Variants in CMTM7 observed in about 807,000 individuals in gnomAD.
CMTM7 encodes CKLF-like MARVEL transmembrane domain-containing protein 7.
CMTM7 carries 7 observed loss-of-function variants against 19.3 expected under a neutral mutation model. That is an observed-to-expected ratio of 0.36 (90% CI 0.21 to 0.68). The LOEUF is 0.68. Among genes scored for constraint, CMTM7 ranks in the 30% least tolerant of loss-of-function variants. The pLI, the probability that CMTM7 is intolerant of heterozygous loss-of-function variation, is 0.60. For missense variants in CMTM7, 193 were observed against 232.6 expected (o/e 0.83, Z 1.11); for synonymous variants, 87 against 99.3 (o/e 0.88, Z 0.74).
intron 1 of CMTM7, among the ~76,000 whole-genome samples, chr3:32,413,631 T>C (rs1349613481): frequency 1.3e-5 from 2 of 152,210 alleles, no homozygotes; most frequent in Non-Finnish European, 2.9e-5. Context: ...AACAAATAAC[T>C]CTCAAATGTT....
At position 32,404,142 on chromosome 3, in the gene CMTM7, C is replaced by CTTTTTTTTCTTTTTTTTTTT. The variant is rs1559401304; in HGVS notation, c.159+12085_159+12086insCTTTTTTTTTTTTTTTTTTT. Among the ~76,000 whole-genome samples the CTTTTTTTTCTTTTTTTTTTT allele has an allele frequency of 3.3e-4, 36 of 109,232 alleles. 1 individual carries two copies. The highest frequency in any genetic ancestry group is 5.0e-4 in the Non-Finnish European group (27 of 54,066). 71.7% of individuals were successfully genotyped at this position (109,232 alleles called of 152,430 possible). On this transcript the variant is annotated intron_variant, in intron 1 of 4. Transcript: ENST00000334983. ...CCTTTGTTTAATCTTTTCTTTCTTT[C>CTTTTTTTTCTTTTTTTTTTT]TTTTTTTTTCTTTTTTTTTCTTTTT...
At chr3:32,437,767 T>G (rs1696619791) in intron 1 of CMTM7, among the ~76,000 whole-genome samples, 1 of 152,064 alleles carries the variant, frequency 6.6e-6, no homozygotes, top group Admixed American at 6.5e-5. Flanking sequence ...GGCGCATACA[T>G]GTAATCCCAG....
chr3:32,428,849 C>A (rs937326048), intron 1 of CMTM7, among the ~76,000 whole-genome samples: 2 of 152,166 alleles, frequency 1.3e-5, no homozygotes, highest in Non-Finnish European at 2.9e-5. Flanking sequence ...ACCTGAGAGT[C>A]GTGGAAAGCC....
intron 1 of CMTM7, among the ~76,000 whole-genome samples, chr3:32,399,211 TA>T (rs764401699): frequency 2.0e-5 from 3 of 151,266 alleles, no homozygotes; most frequent in Non-Finnish European, 2.9e-5. Flanking sequence ...GACTCTTAAC[TA>T]GGGGCTGTAC....
At chr3:32,436,342 C>T (rs1361874986) in intron 1 of CMTM7, among the ~76,000 whole-genome samples, 1 of 152,152 alleles carries the variant, frequency 6.6e-6, no homozygotes, top group Non-Finnish European at 1.5e-5. Context: ...GTGACTTTAA[C>T]AGGGAGGCAC....
At chr3:32,404,162 CTTTTTTTTTT>C (rs5847761) in intron 1 of CMTM7, among the ~76,000 whole-genome samples, 1 of 74,668 alleles carries the variant, frequency 1.3e-5, no homozygotes, top group Admixed American at 1.6e-4. Context: ...CTTTTTTTTT[CTTTTTTTTTT>C]TTTTTGGAGA....
chr3:32,394,003 T>A (rs1024664862), intron 1 of CMTM7, among the ~76,000 whole-genome samples: 1 of 152,210 alleles, frequency 6.6e-6, no homozygotes, highest in African/African-American at 2.4e-5. Flanking sequence ...TTTATCTGGT[T>A]GCTTATTCTC....
intron 1 of CMTM7, among the ~76,000 whole-genome samples, chr3:32,399,232 G>T (rs1163807076): frequency 1.3e-5 from 2 of 151,652 alleles, no homozygotes; most frequent in Admixed American, 1.3e-4. Flanking sequence ...CCGCCCCCTA[G>T]GGGTTATTTT....
chr3:32,449,664 C>A lies in CMTM7; in HGVS notation c.432+112C>A, dbSNP rs950117250. 3 of 805,102 alleles carry A rather than the reference C, an allele frequency of 3.7e-6. No homozygotes were observed. In the African/African-American group the frequency reaches 5.1e-5, roughly 14 times the overall value. The allele number at this position is 805,102 out of a possible 1,614,324, so 49.9% of individuals were successfully genotyped here. On this transcript the variant is annotated intron_variant, in intron 3 of 4. Coordinates refer to ENST00000334983, the MANE Select transcript of CMTM7 (RefSeq NM_138410.4). The surrounding 1 kb of genome is among the most constrained non-coding windows in gnomAD (Gnocchi z 4.5). ...TTCTGGGGCATTCCCTTCATAGAAT[C>A]AATACCTACCTTGATCCAGCCATCA...
intron 1 of CMTM7, among the ~76,000 whole-genome samples, chr3:32,425,898 C>T (rs1696424329): frequency 6.6e-6 from 1 of 152,178 alleles, no homozygotes; most frequent in East Asian, 1.9e-4. Context: ...GTAATCCTAG[C>T]ACTTTGGGAG....
At chr3:32,398,989 C>T (rs560765051) in intron 1 of CMTM7, among the ~76,000 whole-genome samples, 7 of 151,932 alleles carry the variant, frequency 4.6e-5, no homozygotes, top group South Asian at 2.1e-4. Flanking sequence ...TCCCATCCCC[C>T]CAAAAAGAAA....
chr3:32,422,778 C>T (rs1045299193), intron 1 of CMTM7, among the ~76,000 whole-genome samples: 1 of 152,220 alleles, frequency 6.6e-6, no homozygotes, highest in Non-Finnish European at 1.5e-5. Flanking sequence ...ATACCCTCAA[C>T]CTACCAAACA....
intron 1 of CMTM7, 90 bp downstream of exon 1, chr3:32,392,155 C>A: frequency 1.0e-6 from 1 of 1,004,418 alleles, no homozygotes; most frequent in Non-Finnish European, 1.3e-6. Context: ...CGTCTGGACC[C>A]GGCCGGAGCC....
chr3:32,449,465 C>A lies in CMTM7; in HGVS notation c.345C>A (p.His115Gln). 6.2e-7 allele frequency: 1 copy of A among 1,613,850 alleles called. No homozygotes were observed. The highest frequency in any genetic ancestry group is 8.5e-7 in the Non-Finnish European group (1 of 1,179,716). The change falls in exon 3 of 5, where the codon CAC (histidine) becomes CAA (glutamine). Residue 115 changes from histidine to glutamine, a missense_variant. Transcript: ENST00000334983. The surrounding 1 kb of genome is among the most constrained non-coding windows in gnomAD (Gnocchi z 4.5). ...GTTTCTGCCCCCAGGAACTTCTGCA[C>A]TATTTAATCGGTACCCTGCTCCTCC... ...CISWPLSELL[H>Q]YLIGTLLLLI...
At chr3:32,440,641 G>A (rs996951332) in intron 1 of CMTM7, among the ~76,000 whole-genome samples, 2 of 152,150 alleles carry the variant, frequency 1.3e-5, no homozygotes, top group African/African-American at 4.8e-5. Context: ...AGCCAGGCAT[G>A]ATGGCACACG....
At chr3:32,404,167 T>C (rs1240448208) in intron 1 of CMTM7, among the ~76,000 whole-genome samples, 2 of 123,438 alleles carry the variant, frequency 1.6e-5, no homozygotes, top group South Asian at 2.8e-4. Flanking sequence ...TTTTTCTTTT[T>C]TTTTTTTTTT....
rs75624463 is a variant in CMTM7, at chr3:32,410,115, G to A, written c.159+18050G>A. On this transcript the variant is annotated intron_variant, in intron 1 of 4. Coordinates refer to ENST00000334983, the MANE Select transcript of CMTM7 (RefSeq NM_138410.4). The stretch of plus-strand genomic sequence containing the variant: ...CCTCTCCTGCCTTAGGAGGGCCTTC[G>A]TCAGCCCCTCAGCTAAAGTAGTCCC... 8.5e-4 allele frequency among the ~76,000 whole-genome samples: 129 copies of A among 152,172 alleles called. 1 individual carries two copies. Among genetic ancestry groups the A allele is most frequent in the Non-Finnish European group, 9.9e-4 (67 of 68,012 alleles).
At chr3:32,409,742 A>G (rs868065393) in intron 1 of CMTM7, among the ~76,000 whole-genome samples, 23 of 152,254 alleles carry the variant, frequency 1.5e-4, no homozygotes, top group Middle Eastern at 3.2e-3. Context: ...CACTGGAGGC[A>G]GAAGACAAAG....
chr3:32,427,187 A>G (rs1696445818), intron 1 of CMTM7, among the ~76,000 whole-genome samples: 2 of 152,230 alleles, frequency 1.3e-5, no homozygotes, highest in Non-Finnish European at 2.9e-5. Flanking sequence ...GCTGCTATTT[A>G]TGAAAGGTTA....
Sources: allele counts gnomAD v4.1 joint callset (sites outside exome capture counted in the v4.1 genomes callset), GRCh38; gene constraint gnomAD v4.1.1; non-coding constraint Gnocchi (gnomAD v3.1); transcripts MANE v1.5; gene names NCBI Gene and HGNC (gene_info 2026-07-23, HGNC 2026-07-21).